SLA2: variants seen among roughly 807,000 people sequenced by gnomAD.
SLA2 encodes the protein Src like adaptor 2, also known as src-like-adapter 2.
Under a neutral mutation model 27.3 loss-of-function variants are expected in SLA2, and 22 were observed. That is an observed-to-expected ratio of 0.81 (90% CI 0.58 to 1.15). The LOEUF is 1.15. Among genes scored for constraint, SLA2 ranks in the 50% most tolerant of loss-of-function variants. The probability of loss-of-function intolerance (pLI) is 0.00; values close to 1 mark genes in which losing one functional copy is unlikely to be tolerated. For missense variants in SLA2, 304 were observed against 322.2 expected, an observed-to-expected ratio of 0.94 and a Z score of 0.43; for synonymous variants, 131 against 137.8, an observed-to-expected ratio of 0.95 and a Z score of 0.34.
chr20:36,631,790 G>A (rs1157495893), intron 5 of SLA2, among the ~76,000 whole-genome samples: 2 of 152,212 alleles, frequency 1.3e-5, no homozygotes, highest in Non-Finnish European at 2.9e-5. Flanking sequence ...AGTAGGTCCT[G>A]TCCTTCCCTG....
At chr20:36,619,741 C>T (rs2039259770) in intron 5 of SLA2, among the ~76,000 whole-genome samples, 1 of 150,982 alleles carries the variant, frequency 6.6e-6, no homozygotes, top group Non-Finnish European at 1.5e-5. Flanking sequence ...CGCCATTCTC[C>T]TGTCTCAGCC....
At chr20:36,614,809 C>G (rs2039188448) in intron 6 of SLA2, 1 of 985,446 alleles carries the variant, frequency 1.0e-6, no homozygotes, top group Non-Finnish European at 1.2e-6. Flanking sequence ...GTGCTCTTCC[C>G]TCTCTGCCCC....
At chr20:36,632,553 C>T (rs748727849) in intron 5 of SLA2, 42 bp downstream of exon 5, 9 of 1,514,622 alleles carry the variant, frequency 5.9e-6, no homozygotes, top group Non-Finnish European at 8.3e-6. Flanking sequence ...TTTCTGAGAC[C>T]TCCACGTAGG....
intron 2 of SLA2, among the ~76,000 whole-genome samples, chr20:36,635,107 G>A (rs2039431328): frequency 6.6e-6 from 1 of 151,904 alleles, no homozygotes; most frequent in Non-Finnish European, 1.5e-5. Context: ...TGGGCATCAG[G>A]CGGCAAGGGC....
At chr20:36,614,117 T>C in intron 7 of SLA2, 131 bp from the exon 8 acceptor site, 1 of 1,475,064 alleles carries the variant, frequency 6.8e-7, no homozygotes, top group Non-Finnish European at 9.2e-7. Context: ...CTGTTCCCTA[T>C]CAGATCAGCT....
chr20:36,632,508 TG>T, intron 5 of SLA2, 86 bp downstream of exon 5: 1 of 1,025,596 alleles, frequency 9.8e-7, no homozygotes, highest in Non-Finnish European at 1.5e-6. Context: ...GCCTATTTTC[TG>T]GGCCGCACCT....
chr20:36,621,366 T>A, intron 5 of SLA2: 3 of 603,596 alleles, frequency 5.0e-6, no homozygotes, highest in South Asian at 4.2e-5. Flanking sequence ...GCAGTCCCTA[T>A]GGTGGTGCTT....
intron 1 of SLA2, among the ~76,000 whole-genome samples, chr20:36,644,104 C>A (rs1978285815): frequency 6.6e-6 from 1 of 152,148 alleles, no homozygotes; most frequent in Admixed American, 6.6e-5. Flanking sequence ...TTTTAGGATC[C>A]TGCAGCCTGG....
intron 3 of SLA2, among the ~76,000 whole-genome samples, chr20:36,633,872 G>C (rs909804246): frequency 1.3e-5 from 2 of 151,400 alleles, no homozygotes; most frequent in Admixed American, 6.6e-5. Flanking sequence ...TCTCCCTGTG[G>C]GGGTGTCCAG....
chr20:36,634,815 G>GA (rs1033580503), intron 2 of SLA2, among the ~76,000 whole-genome samples: 24 of 148,062 alleles, frequency 1.6e-4, no homozygotes, highest in East Asian at 7.9e-4. Flanking sequence ...GAGAAAGAAA[G>GA]AAAAAAAAAA....
At chr20:36,643,406 C>T (rs1978285205) in intron 1 of SLA2, among the ~76,000 whole-genome samples, 1 of 152,196 alleles carries the variant, frequency 6.6e-6, no homozygotes, top group African/African-American at 2.4e-5. Context: ...AGGCACCTGC[C>T]AAGGACTGGT....
chr20:36,621,180 A>T (rs1419893094), intron 5 of SLA2: 2 of 465,264 alleles, frequency 4.3e-6, no homozygotes, highest in Non-Finnish European at 8.4e-6. Flanking sequence ...ATGAAAACCA[A>T]GGTGGTGGAT....
intron 2 of SLA2, among the ~76,000 whole-genome samples, chr20:36,639,614 G>A (rs1426415584): frequency 1.3e-5 from 2 of 152,050 alleles, no homozygotes; most frequent in Non-Finnish European, 2.9e-5. Flanking sequence ...AGCACTTTGG[G>A]AGGCCGAGGT....
At chr20:36,637,491 A>G (rs2147994903) in intron 2 of SLA2, among the ~76,000 whole-genome samples, 1 of 152,010 alleles carries the variant, frequency 6.6e-6, no homozygotes, top group South Asian at 2.1e-4. Context: ...CACTGCACCC[A>G]GCCTACCTCT....
intron 1 of SLA2, among the ~76,000 whole-genome samples, chr20:36,643,380 G>A (rs1978285170): frequency 6.6e-6 from 1 of 152,212 alleles, no homozygotes; most frequent in Non-Finnish European, 1.5e-5. Flanking sequence ...TATTCATGGA[G>A]CTTCTGCTCT....
chr20:36,639,407 A>G (rs1245268598), intron 2 of SLA2, among the ~76,000 whole-genome samples: 1 of 151,600 alleles, frequency 6.6e-6, no homozygotes, highest in Non-Finnish European at 1.5e-5. Flanking sequence ...ACACACACAC[A>G]CACACACACA....
chr20:36,630,316 G>T (rs534674634), intron 5 of SLA2, among the ~76,000 whole-genome samples: 1 of 152,176 alleles, frequency 6.6e-6, no homozygotes, highest in African/African-American at 2.4e-5. Context: ...ACCCAAGAAC[G>T]CCCAAGGGCA....
intron 1 of SLA2, among the ~76,000 whole-genome samples, chr20:36,644,146 A>T (rs893450814): frequency 3.3e-5 from 5 of 151,802 alleles, no homozygotes; most frequent in Non-Finnish European, 7.4e-5. Context: ...GTTCTTGAGG[A>T]GGTTTTTTGT....
intron 5 of SLA2, among the ~76,000 whole-genome samples, chr20:36,616,972 C>T (rs2039219583): frequency 6.6e-6 from 1 of 152,046 alleles, no homozygotes; most frequent in African/African-American, 2.4e-5. Context: ...ATCACTTGAA[C>T]CCAGGAGGCA....
Sources: gnomAD v4.1 joint callset for allele counts (sites outside exome capture counted in the v4.1 genomes callset) on GRCh38, gnomAD v4.1.1 for gene constraint, MANE v1.5 for transcripts, NCBI Gene and HGNC (gene_info 2026-07-23, HGNC 2026-07-21) for gene names.